Variants in TRAPPC9 observed in about 807,000 individuals in gnomAD.
TRAPPC9 encodes the protein IKK2 binding protein.
Under a neutral mutation model 124.0 loss-of-function variants are expected in TRAPPC9, and 83 were observed. The observed-to-expected ratio is 0.67, with a 90% CI of 0.56 to 0.80. The LOEUF (loss-of-function observed/expected upper bound fraction) is 0.80. Among genes scored for constraint, TRAPPC9 ranks in the 30% least tolerant of loss-of-function variants. The probability of loss-of-function intolerance (pLI) is 0.00; values close to 1 mark genes in which losing one functional copy is unlikely to be tolerated. For missense variants in TRAPPC9, 1,302 were observed against 1,508.3 expected, an observed-to-expected ratio of 0.86 and a Z score of 2.27; for synonymous variants, 638 against 617.5, an observed-to-expected ratio of 1.03 and a Z score of -0.49.
intron 21 of TRAPPC9, among the ~76,000 whole-genome samples, chr8:139,795,934 G>A (rs749616072): frequency 7.9e-5 from 12 of 152,108 alleles, no homozygotes; most frequent in African/African-American, 2.2e-4. Context: ...AGGAGAAGGC[G>A]GCCAAACTCA....
rs1035618868 is a variant in TRAPPC9 at position 139,962,444 on chromosome 8, C to T, written c.2810+26282G>A. Among the ~76,000 whole-genome samples the T allele has an allele frequency of 2.4e-5, 3 of 124,998 alleles. 1 individual carries two copies. The highest frequency in any genetic ancestry group is 3.8e-5 in the Non-Finnish European group (2 of 52,438). 82.0% of individuals were successfully genotyped at this position (124,998 alleles called of 152,430 possible). The stretch of plus-strand genomic sequence containing the variant: ...TGTATGTTCTCTTTTTTTCATTCAT[C>T]CATTCATTCAACACACACACAGTAT... On this transcript the variant is annotated intron_variant, in intron 19 of 22. Coordinates refer to ENST00000438773, the MANE Select transcript of TRAPPC9 (RefSeq NM_001160372.4).
chr8:140,132,638 C>G (rs760073272), intron 17 of TRAPPC9, among the ~76,000 whole-genome samples: 1 of 152,090 alleles, frequency 6.6e-6, no homozygotes, highest in Non-Finnish European at 1.5e-5. Context: ...CCAAGTGAAC[C>G]GAAAAGACCT....
intron 5 of TRAPPC9, among the ~76,000 whole-genome samples, chr8:140,410,543 AAAC>A (rs2069668023): frequency 6.6e-6 from 1 of 151,902 alleles, no homozygotes; most frequent in Admixed American, 6.6e-5. Flanking sequence ...CTCAAAAATA[AAAC>A]AACAACAAAA....
chr8:139,968,618 TCTC>T (rs1165637653), intron 19 of TRAPPC9, among the ~76,000 whole-genome samples: 1 of 152,280 alleles, frequency 6.6e-6, no homozygotes, highest in East Asian at 1.9e-4. Flanking sequence ...CTCTTCCCGT[TCTC>T]CTCTTCAGAA....
At chr8:140,438,750 T>C (rs1337157140) in intron 3 of TRAPPC9, among the ~76,000 whole-genome samples, 1 of 152,178 alleles carries the variant, frequency 6.6e-6, no homozygotes, top group Admixed American at 6.5e-5. Flanking sequence ...TGGAGTGCAG[T>C]TGTGCAACCT....
intron 21 of TRAPPC9, among the ~76,000 whole-genome samples, chr8:139,762,528 C>T (rs149270843): frequency 2.0e-3 from 311 of 152,224 alleles, no homozygotes; most frequent in African/African-American, 6.5e-3. Flanking sequence ...CTGTACTGAA[C>T]GCTGTAGACA....
At chr8:139,808,485 G>C (rs1824217174) in intron 21 of TRAPPC9, among the ~76,000 whole-genome samples, 1 of 152,016 alleles carries the variant, frequency 6.6e-6, no homozygotes, top group Non-Finnish European at 1.5e-5. Context: ...TACAATTCAG[G>C]GTTTTTAAAA....
intron 6 of TRAPPC9, among the ~76,000 whole-genome samples, chr8:140,402,407 A>T (rs1457683990): frequency 6.6e-6 from 1 of 151,200 alleles, no homozygotes; most frequent in Non-Finnish European, 1.5e-5. Context: ...CAAAAAAAAA[A>T]AAATGGGTGG....
chr8:139,881,890 T>C (rs902200446), intron 21 of TRAPPC9, among the ~76,000 whole-genome samples: 1 of 152,124 alleles, frequency 6.6e-6, no homozygotes, highest in African/African-American at 2.4e-5. Context: ...GCCTCACCCC[T>C]CTCCTTACTG....
At chr8:140,346,453 G>A (rs1051848903) in intron 9 of TRAPPC9, among the ~76,000 whole-genome samples, 2 of 152,192 alleles carry the variant, frequency 1.3e-5, no homozygotes, top group African/African-American at 4.8e-5. Context: ...CCTAGAACCC[G>A]TCAAACACAT....
At chr8:139,823,448 G>A (rs899703246) in intron 21 of TRAPPC9, among the ~76,000 whole-genome samples, 3 of 152,164 alleles carry the variant, frequency 2.0e-5, no homozygotes, top group African/African-American at 7.2e-5. Flanking sequence ...TGGTTGAGGA[G>A]CCTGAAAACA....
chr8:140,311,492 G>A (rs1588135738), intron 9 of TRAPPC9, 118 bp from the exon 10 acceptor site: 2 of 1,257,416 alleles, frequency 1.6e-6, no homozygotes, highest in Non-Finnish European at 2.3e-6. Context: ...TGACAGAAAT[G>A]AAGGGGCAGT....
intron 9 of TRAPPC9, among the ~76,000 whole-genome samples, chr8:140,323,266 G>T (rs1260017054): frequency 1.3e-5 from 2 of 152,128 alleles, no homozygotes; most frequent in African/African-American, 2.4e-5. Flanking sequence ...CCTCGCCCTG[G>T]GCATCTCTTC....
intron 6 of TRAPPC9, among the ~76,000 whole-genome samples, chr8:140,403,318 A>G (rs2069347387): frequency 6.6e-6 from 1 of 151,988 alleles, no homozygotes; most frequent in African/African-American, 2.4e-5. Flanking sequence ...TAGTCCCGCT[A>G]CTCAGGAGGC....
intron 19 of TRAPPC9, among the ~76,000 whole-genome samples, chr8:139,962,054 TC>T (rs1374185242): frequency 1.6e-5 from 2 of 124,334 alleles, no homozygotes; most frequent in Admixed American, 1.7e-4. Context: ...CTCCAGGGCC[TC>T]TTCTCTGCTG....
At chr8:140,245,338 C>G (rs1047651319) in intron 16 of TRAPPC9, among the ~76,000 whole-genome samples, 4 of 152,192 alleles carry the variant, frequency 2.6e-5, no homozygotes, top group African/African-American at 9.7e-5. Flanking sequence ...CACTGCCTTG[C>G]TTCTCTTTGC....
At chr8:140,332,949 AC>A (rs2066932720) in intron 9 of TRAPPC9, among the ~76,000 whole-genome samples, 1 of 152,142 alleles carries the variant, frequency 6.6e-6, no homozygotes, top group Non-Finnish European at 1.5e-5. Context: ...ACATCGTGAA[AC>A]CCCCAACTCT....
At position 140,339,008 on chromosome 8, in the gene TRAPPC9, G is replaced by A. The variant is rs112303757; in HGVS notation, c.1495+21042C>T. Among the ~76,000 whole-genome samples the A allele has an allele frequency of 5.0e-4, 63 of 124,930 alleles. 1 individual carries two copies. Among genetic ancestry groups the A allele is most frequent in the South Asian group, 8.7e-4 (3 of 3,444 alleles). 82.0% of individuals were successfully genotyped at this position (124,930 alleles called of 152,430 possible). A position where few individuals can be genotyped will look rare whatever the true frequency, so the allele number is the denominator to read the frequency against. ...GGGAAACGGCTCAGAGAAAACCAAC[G>A]CCACCAGACGGCCACCTACAGGCCG... is the stretch of plus-strand genomic sequence containing the variant. On this transcript the variant is annotated intron_variant, in intron 9 of 22. Coordinates refer to ENST00000438773, the MANE Select transcript of TRAPPC9 (RefSeq NM_001160372.4).
chr8:140,254,317 C>T (rs1016563269), intron 15 of TRAPPC9, among the ~76,000 whole-genome samples: 1 of 152,200 alleles, frequency 6.6e-6, no homozygotes, highest in Non-Finnish European at 1.5e-5. Flanking sequence ...ATAAGCCAGT[C>T]ACATCCTCCC....
Sources: allele counts gnomAD v4.1 joint callset (sites outside exome capture counted in the v4.1 genomes callset), GRCh38; gene constraint gnomAD v4.1.1; transcripts MANE v1.5; gene names NCBI Gene and HGNC (gene_info 2026-07-23, HGNC 2026-07-21).